The following ZNF850 variants were observed in gnomAD, a reference collection of about 807,000 sequenced individuals.
ZNF850 encodes zinc finger protein 850, also known as putative zinc finger protein ENSP00000330994.
ZNF850 carries 2 observed loss-of-function variants against 11.9 expected under a neutral mutation model. The ratio of observed to expected loss-of-function variants is 0.17; its 90% CI spans 0.07 to 0.53. The LOEUF is 0.53. Ranked by LOEUF, ZNF850 falls within the 20% of genes least tolerant of loss-of-function variation. The probability of loss-of-function intolerance (pLI) is 0.94; values close to 1 mark genes in which losing one functional copy is unlikely to be tolerated. For synonymous variants in ZNF850, 381 were observed against 443.0 expected (o/e 0.86, Z 1.76); for missense variants, 1,014 against 1,316.4 (o/e 0.77, Z 3.55).
At position 36,744,543 on chromosome 19, in the gene ZNF850, T is replaced by C. The variant is rs2040400196; in HGVS notation, c.*3224A>G. The C allele has an allele frequency of 6.6e-6, 1 of 151,830 alleles. No homozygotes were observed. The highest frequency in any genetic ancestry group is 2.1e-4 in the South Asian group (1 of 4,814). 9.4% of individuals were successfully genotyped at this position (151,830 alleles called of 1,614,324 possible). A position where few individuals can be genotyped will look rare whatever the true frequency, so the allele number is the denominator to read the frequency against. ...TCGGGAGGCTGAGGTGGGGGATCGA[T>C]TGAGCCCGGGAAGTTGAGGCTGCAG... On this transcript the variant is annotated 3_prime_UTR_variant, in exon 5 of 5. Coordinates refer to ENST00000591344, the MANE Select transcript of ZNF850 (RefSeq NM_001193552.2).
intron 3 of ZNF850, 86 bp from the exon 4 acceptor site, chr19:36,761,824 T>C (rs1471000029): frequency 4.2e-6 from 3 of 719,548 alleles, no homozygotes; most frequent in Non-Finnish European, 4.6e-6. Context: ...AACAGGTGGA[T>C]TGCTTGAGGT....
rs750100857 is a variant in ZNF850 at position 36,762,572 on chromosome 19, T to A, written c.12+23A>T. The A allele has an allele frequency of 5.1e-5, 78 of 1,535,734 alleles. 1 individual carries two copies. The African/African-American group carries it at 9.9e-4, about 19-fold the overall frequency. ...ATGAGAGTGGGGAAGAGTAAAAAAA[T>A]TAGTGTAACTTCAACAAAGTACCTC... is the stretch of plus-strand genomic sequence containing the variant. On this transcript the variant is annotated intron_variant, in intron 2 of 4. Coordinates refer to ENST00000591344, the MANE Select transcript of ZNF850 (RefSeq NM_001193552.2).
intron 4 of ZNF850, among the ~76,000 whole-genome samples, chr19:36,757,503 C>CTT (rs57226971): frequency 3.1e-4 from 30 of 97,388 alleles, no homozygotes; most frequent in African/African-American, 7.5e-4. Context: ...AATATAGTTT[C>CTT]TTTTTTTTTT....
At chr19:36,769,467 T>C (rs1293970147) in intron 1 of ZNF850, among the ~76,000 whole-genome samples, 1 of 151,448 alleles carries the variant, frequency 6.6e-6, no homozygotes, top group Non-Finnish European at 1.5e-5. Context: ...AGAGTGCTGG[T>C]GTGTGCCTCT....
At chr19:36,761,168 A>G (rs2040515633) in intron 4 of ZNF850, among the ~76,000 whole-genome samples, 1 of 151,548 alleles carries the variant, frequency 6.6e-6, no homozygotes, top group South Asian at 2.1e-4. Context: ...GGCCAGGCGC[A>G]GTGGCTCACA....
In ZNF850 at chr19:36,749,181, T is replaced by G; in HGVS notation, c.1859A>C (p.Lys620Thr). The G allele has an allele frequency of 6.2e-7, 1 of 1,605,564 alleles. No individual in the cohort carries two copies. The highest frequency in any genetic ancestry group is 8.5e-7 in the Non-Finnish European group (1 of 1,177,520). The change falls in exon 5 of 5, where the codon AAG becomes ACG. Residue 620 changes from lysine (K) to threonine (T), a missense_variant. By Grantham distance (78) the Lys-to-Thr change is moderately conservative (BLOSUM62 -1). Transcript: ENST00000591344. ...IHTGEKPYDC[K>T]ECGKAFRLRL... ...AAGTCTAAAGGCCTTCCCACATTCC[T>G]TACAATCATAAGGTTTCTCACCAGT...
intron 4 of ZNF850, among the ~76,000 whole-genome samples, chr19:36,753,166 G>A (rs1337904706): frequency 1.3e-5 from 2 of 151,252 alleles, no homozygotes; most frequent in African/African-American, 4.9e-5. Flanking sequence ...CTACTCAGGG[G>A]GCTGAGGCAG....
At chr19:36,753,024 C>T (rs373633091) in intron 4 of ZNF850, among the ~76,000 whole-genome samples, 2 of 151,956 alleles carry the variant, frequency 1.3e-5, no homozygotes, top group Non-Finnish European at 2.9e-5. Context: ...AATCTCAGCA[C>T]TTTGGGAGTC....
At chr19:36,762,872 T>C (rs1392374614) in intron 1 of ZNF850, among the ~76,000 whole-genome samples, 197 bp from the exon 2 acceptor site, 5 of 151,864 alleles carry the variant, frequency 3.3e-5, no homozygotes, top group Admixed American at 2.6e-4. Flanking sequence ...TTTTTTTTTT[T>C]CCTCTTGTTT....
intron 1 of ZNF850, among the ~76,000 whole-genome samples, chr19:36,764,422 G>C (rs2040537328): frequency 6.6e-6 from 1 of 152,090 alleles, no homozygotes; most frequent in African/African-American, 2.4e-5. Context: ...ATAAATGTCT[G>C]GTGAAAGGCT....
chr19:36,750,344 T>A lies in ZNF850; in HGVS notation c.696A>T (p.Lys232Asn), dbSNP rs1285896862. ...EKPCACKEYG[K>N]AFISGSHLIQ... is the part of the protein sequence containing the mutation. ...TAAGATGTGAGCCAGAAATAAAAGC[T>A]TTTCCATATTCTTTACATGCACAGG... Residue 232 changes from lysine (K) to asparagine (N), a missense_variant, in exon 5 of 5, where the codon AAA becomes AAT. Transcript: ENST00000591344. 1.1e-5 allele frequency: 17 copies of A among 1,536,426 alleles called. No homozygotes were observed. The highest frequency in any genetic ancestry group is 1.5e-5 in the Non-Finnish European group (17 of 1,146,922).
At chr19:36,771,392 A>G (rs1348074481) in intron 1 of ZNF850, among the ~76,000 whole-genome samples, 1 of 152,106 alleles carries the variant, frequency 6.6e-6, no homozygotes, top group East Asian at 1.9e-4. Flanking sequence ...AGGACCAATC[A>G]GGGGCTGAAG....
At chr19:36,751,385 A>G (rs1359364777) in intron 4 of ZNF850, among the ~76,000 whole-genome samples, 1 of 152,106 alleles carries the variant, frequency 6.6e-6, no homozygotes, top group East Asian at 1.9e-4. Flanking sequence ...AGATCCTAGA[A>G]TAGGAAAAAA....
chr19:36,766,524 G>A (rs1420218096), intron 1 of ZNF850, among the ~76,000 whole-genome samples: 1 of 151,976 alleles, frequency 6.6e-6, no homozygotes, highest in Non-Finnish European at 1.5e-5. Context: ...CATTTAAATG[G>A]CTTATAACTT....
chr19:36,758,185 T>C (rs950927481), intron 4 of ZNF850, among the ~76,000 whole-genome samples: 41 of 152,150 alleles, frequency 2.7e-4, no homozygotes, highest in African/African-American at 9.9e-4. Flanking sequence ...AGGTGTAGTA[T>C]GTATACAAAA....
At chr19:36,752,870 G>A (rs946939674) in intron 4 of ZNF850, among the ~76,000 whole-genome samples, 2 of 152,146 alleles carry the variant, frequency 1.3e-5, no homozygotes, top group African/African-American at 4.8e-5. Flanking sequence ...TGAAAGAACA[G>A]GGAGCAAACT....
rs997404638 is a variant in ZNF850 at position 36,747,610 on chromosome 19, T to G, written c.*157A>C. ...GAGATAGCGCCACTGCACTCCAGCC[T>G]GGGCGACAGAGCAAGACTCCGTCTC... On this transcript the variant is annotated 3_prime_UTR_variant, in exon 5 of 5. Coordinates refer to ENST00000591344, the MANE Select transcript of ZNF850 (RefSeq NM_001193552.2). 1 of 744,022 alleles carries G rather than the reference T, an allele frequency of 1.3e-6. No homozygotes were observed. The highest frequency in any genetic ancestry group is 3.3e-5 in the Admixed American group (1 of 30,578). The allele number at this position is 744,022 out of a possible 1,614,324, so 46.1% of individuals were successfully genotyped here.
chr19:36,768,888 G>C (rs2040563749), intron 1 of ZNF850, among the ~76,000 whole-genome samples: 1 of 151,356 alleles, frequency 6.6e-6, no homozygotes, highest in Non-Finnish European at 1.5e-5. Context: ...CTTCAGCCCT[G>C]GAGGTCAAGG....
rs1568730846 is a variant in ZNF850 at position 36,745,686 on chromosome 19, AAAAAAAG to A, written c.*2074_*2080del. ...AGAGCAAAACTCCATCTCAAAAAAA[AAAAAAAG>A]AAAAAAGAAAAAGAAAGTCCCAGGT... is the stretch of plus-strand genomic sequence containing the variant. On this transcript the variant is annotated 3_prime_UTR_variant, in exon 5 of 5. Transcript: ENST00000591344. 1.3e-5 allele frequency: 2 copies of A among 152,964 alleles called. No homozygotes were observed. The highest frequency in any genetic ancestry group is 2.9e-5 in the Non-Finnish European group (2 of 68,874). 9.5% of individuals were successfully genotyped at this position (152,964 alleles called of 1,614,324 possible).
Sources: gnomAD v4.1 joint callset for allele counts (sites outside exome capture counted in the v4.1 genomes callset) on GRCh38, gnomAD v4.1.1 for gene constraint, MANE v1.5 for transcripts, NCBI Gene and HGNC (gene_info 2026-07-23, HGNC 2026-07-21) for gene names.